The following PECR variants were observed in gnomAD, a reference collection of about 807,000 sequenced individuals.
PECR encodes the protein 2,4-dienoyl-CoA reductase-related protein.
Under a neutral mutation model 35.3 loss-of-function variants are expected in PECR, and 30 were observed. The ratio of observed to expected loss-of-function variants is 0.85; its 90% CI spans 0.64 to 1.15. The LOEUF (loss-of-function observed/expected upper bound fraction) is 1.15. Among genes scored for constraint, PECR ranks in the 50% most tolerant of loss-of-function variants. PECR has a pLI of 0.00. For missense variants in PECR, 392 were observed against 370.8 expected (o/e 1.06, Z -0.47); for synonymous variants, 148 against 138.9 (o/e 1.07, Z -0.46).
chr2:216,043,215 C>T (rs911360734), intron 7 of PECR, among the ~76,000 whole-genome samples: 24 of 151,808 alleles, frequency 1.6e-4, no homozygotes, highest in African/African-American at 5.8e-4. Context: ...TCACACCATT[C>T]TCCTGCCTCA....
In PECR at chr2:216,065,389, G is replaced by C; in HGVS notation, c.347C>G (p.Ala116Gly). 6.2e-7 allele frequency: 1 copy of C among 1,606,174 alleles called. No homozygotes were observed. The highest frequency in any genetic ancestry group is 8.5e-7 in the Non-Finnish European group (1 of 1,172,670). ...NNGGGQFLSP[A>G]EHISSKGWHA... is the part of the protein sequence containing the mutation. The stretch of plus-strand genomic sequence containing the variant: ...CCATCCCTTAGAACTGATGTGTTCA[G>C]CAGGGGAAAGAAACTGGCCTCCTCC... Residue 116 changes from alanine to glycine, a missense_variant, in exon 3 of 8, where the codon GCT becomes GGT. Ala to Gly is a moderately conservative substitution (Grantham distance 60). Transcript: ENST00000265322.
chr2:216,065,510 A>G (rs1695447675), intron 2 of PECR, 33 bp from the exon 3 acceptor site: 2 of 1,343,222 alleles, frequency 1.5e-6, no homozygotes, highest in African/African-American at 1.4e-5. Flanking sequence ...ACTAAAAGGA[A>G]AAGTTTAATA....
chr2:216,049,115 T>C, intron 6 of PECR, 148 bp downstream of exon 6: 1 of 710,364 alleles, frequency 1.4e-6, no homozygotes, highest in Non-Finnish European at 2.6e-6. Context: ...ACAACCAGAA[T>C]ATCCCTGACA....
chr2:216,061,759 A>AT, intron 3 of PECR, among the ~76,000 whole-genome samples: 1 of 152,148 alleles, frequency 6.6e-6, no homozygotes, highest in Non-Finnish European at 1.5e-5. Context: ...AACATCTTGG[A>AT]TTTTAAAAGC....
chr2:216,081,752 G>C lies in PECR; in HGVS notation c.-11C>G. ...AGCCCAGGAGGCCATCCCTGCAGCG[G>C]GGTGCCAGAGCAGCTGAGCGCAGGC... is the stretch of plus-strand genomic sequence containing the variant. On this transcript the variant is annotated 5_prime_UTR_variant, in exon 1 of 8. Transcript: ENST00000265322. 6.2e-7 allele frequency: 1 copy of C among 1,612,460 alleles called. No homozygotes were observed.
intron 1 of PECR, among the ~76,000 whole-genome samples, chr2:216,077,150 G>T (rs572712885): frequency 6.6e-6 from 1 of 151,824 alleles, no homozygotes; most frequent in African/African-American, 2.4e-5. Flanking sequence ...CGCCCACCTC[G>T]GCCTCCCAAA....
At chr2:216,079,648 T>C (rs974320217) in intron 1 of PECR, among the ~76,000 whole-genome samples, 1 of 149,112 alleles carries the variant, frequency 6.7e-6, no homozygotes, top group African/African-American at 2.4e-5. Flanking sequence ...ATTACAGGCA[T>C]GAGCCACCGT....
At chr2:216,052,777 T>G (rs1170337911) in intron 4 of PECR, among the ~76,000 whole-genome samples, 4 of 152,210 alleles carry the variant, frequency 2.6e-5, no homozygotes, top group African/African-American at 9.6e-5. Context: ...CCCAGTGTCT[T>G]CAAATTTTTT....
At chr2:216,036,247 G>C (rs1353702517), downstream of PECR, among the ~76,000 whole-genome samples, 1 of 152,260 alleles carries the variant, frequency 6.6e-6, no homozygotes, top group Non-Finnish European at 1.5e-5. Flanking sequence ...TGAAGGGCCA[G>C]GATGGAGTGC....
intron 1 of PECR, among the ~76,000 whole-genome samples, chr2:216,079,703 C>T (rs1052215788): frequency 5.5e-5 from 8 of 146,022 alleles, no homozygotes; most frequent in Admixed American, 2.0e-4. Context: ...AAAATTGGGC[C>T]GGGCACGGTG....
chr2:216,066,296 A>G, intron 2 of PECR, 89 bp downstream of exon 2: 1 of 1,090,586 alleles, frequency 9.2e-7, no homozygotes, highest in Admixed American at 1.7e-5. Context: ...AGACAGCTAC[A>G]ATAGGAGAAC....
intron 3 of PECR, among the ~76,000 whole-genome samples, chr2:216,062,543 T>C (rs74507127): frequency 0.02 from 3,052 of 152,266 alleles, 112 homozygotes; most frequent in African/African-American, 0.07. Flanking sequence ...TCTTTAACAA[T>C]AGCATATTGT....
intron 1 of PECR, among the ~76,000 whole-genome samples, chr2:216,067,692 G>A (rs1415469038): frequency 1.3e-5 from 2 of 151,754 alleles, no homozygotes; most frequent in African/African-American, 4.8e-5. Flanking sequence ...AAGTAGCTGC[G>A]ACTACAGGCG....
At chr2:216,043,160 T>G (rs1369825348) in intron 7 of PECR, among the ~76,000 whole-genome samples, 3 of 150,734 alleles carry the variant, frequency 2.0e-5, no homozygotes, top group South Asian at 2.1e-4. Flanking sequence ...CAGGCTAGAG[T>G]GCAGTGGCAC....
chr2:216,053,704 A>T (rs1353997377), intron 4 of PECR, among the ~76,000 whole-genome samples: 1 of 152,188 alleles, frequency 6.6e-6, no homozygotes, highest in East Asian at 1.9e-4. Context: ...TTGAGTTTTC[A>T]GATCAGGATG....
chr2:216,079,806 AC>A (rs1225804231), intron 1 of PECR, among the ~76,000 whole-genome samples: 1 of 149,562 alleles, frequency 6.7e-6, no homozygotes, highest in East Asian at 2.1e-4. Context: ...ACATATAGAA[AC>A]CCCATCTCTA....
rs751542181 is a variant in PECR at position 216,074,493 on chromosome 2, A to AAAGGAAGGAAGGAAGGAAGGAAGGAAGG, written c.124+7097_124+7124dup. 4.5e-5 allele frequency among the ~76,000 whole-genome samples: 6 copies of AAAGGAAGGAAGGAAGGAAGGAAGGAAGG among 133,000 alleles called. No individual in the cohort carries two copies. The East Asian group carries it at 6.8e-4, about 15-fold the overall frequency. The allele number at this position is 133,000 out of a possible 152,430, so 87.3% of individuals were successfully genotyped here. A position where few individuals can be genotyped will look rare whatever the true frequency, so the allele number is the denominator to read the frequency against. On this transcript the variant is annotated intron_variant, in intron 1 of 7. Transcript: ENST00000265322. The stretch of plus-strand genomic sequence containing the variant: ...GAAAGAGAGAGAGAAAGAAAGAAAA[A>AAAGGAAGGAAGGAAGGAAGGAAGGAAGG]AAGGAAGGAAGGAAGGAAGGAAGGA...
chr2:216,050,160 T>C (rs939134619), intron 5 of PECR, among the ~76,000 whole-genome samples: 27 of 152,108 alleles, frequency 1.8e-4, no homozygotes, highest in Non-Finnish European at 3.4e-4. Flanking sequence ...AGTTCGAGGC[T>C]GCAGTGAGCC....
chr2:216,055,113 CAAAA>C (rs955021535), intron 4 of PECR, among the ~76,000 whole-genome samples: 1 of 54,470 alleles, frequency 1.8e-5, no homozygotes, highest in Non-Finnish European at 3.9e-5. Context: ...CTGTGTCTTA[CAAAA>C]AAAAAAAAAA....
Sources: gnomAD v4.1 joint callset for allele counts (sites outside exome capture counted in the v4.1 genomes callset) on GRCh38, gnomAD v4.1.1 for gene constraint, MANE v1.5 for transcripts, NCBI Gene and HGNC (gene_info 2026-07-23, HGNC 2026-07-21) for gene names.